Variants in PLA2R1 observed in about 807,000 individuals in gnomAD.
PLA2R1 encodes secretory phospholipase A2 receptor.
A neutral mutation model predicts 195.9 loss-of-function variants in PLA2R1; 158 were observed. The ratio of observed to expected loss-of-function variants is 0.81; its 90% CI spans 0.71 to 0.92. PLA2R1 has a LOEUF of 0.92. PLA2R1 is among the 40% of genes least tolerant of loss of function. The probability of loss-of-function intolerance (pLI) is 0.00; values close to 1 mark genes in which losing one functional copy is unlikely to be tolerated. For missense variants in PLA2R1, 1,626 were observed against 1,764.6 expected (o/e 0.92, Z 1.41); for synonymous variants, 586 against 598.2 (o/e 0.98, Z 0.30).
intron 6 of PLA2R1, among the ~76,000 whole-genome samples, chr2:160,023,597 G>A (rs1693293301): frequency 1.3e-5 from 2 of 152,210 alleles, no homozygotes; most frequent in Admixed American, 1.3e-4. Context: ...AGAACTGTAA[G>A]TGTAATCAGC....
intron 9 of PLA2R1, among the ~76,000 whole-genome samples, chr2:160,015,618 G>A (rs2715944): frequency 0.73 from 110,267 of 152,022 alleles, 40,437 homozygotes; most frequent in East Asian, 0.87. Flanking sequence ...CCCCACCCTC[G>A]CCCCTGCCCC....
At chr2:159,987,068 G>T in intron 12 of PLA2R1, 88 bp downstream of exon 12, 2 of 999,778 alleles carry the variant, frequency 2.0e-6, no homozygotes, top group Middle Eastern at 2.5e-4. Flanking sequence ...AAAAAAAAAG[G>T]GCCCCGGAAT....
At chr2:160,029,281 T>C (rs566631130) in intron 4 of PLA2R1, among the ~76,000 whole-genome samples, 31 of 152,332 alleles carry the variant, frequency 2.0e-4, no homozygotes, top group African/African-American at 7.2e-4. Context: ...CTCATGAACT[T>C]AAAGGTTTAA....
At chr2:159,958,127 G>A (rs977193394) in intron 20 of PLA2R1, among the ~76,000 whole-genome samples, 1 of 152,158 alleles carries the variant, frequency 6.6e-6, no homozygotes, top group African/African-American at 2.4e-5. Context: ...TGAAGGTGAG[G>A]CCTGGTGGGA....
chr2:159,990,803 G>A (rs1690720713), intron 11 of PLA2R1, among the ~76,000 whole-genome samples: 1 of 152,138 alleles, frequency 6.6e-6, no homozygotes, highest in African/African-American at 2.4e-5. Flanking sequence ...AGGGCACAGA[G>A]GCTTAGTAAC....
In PLA2R1 at chr2:160,006,203, G is replaced by A. The variant is rs3792174; in HGVS notation, c.1665-382C>T. ...CACACACCATGCCACAATATGCACG[G>A]GGTAAAGGTGGGCAGGAGGGAGGAG... On this transcript the variant is annotated intron_variant, in intron 10 of 29. Transcript: ENST00000283243. Among the ~76,000 whole-genome samples the A allele has an allele frequency of 0.013, 1,986 of 152,258 alleles. 94 individuals carry two copies. In the East Asian group the frequency reaches 0.17, roughly 13 times the overall value.
At chr2:159,926,588 G>C in the PLA2R1 span, among the ~76,000 whole-genome samples, 2 of 152,206 alleles carry the variant, frequency 1.3e-5, no homozygotes, top group Non-Finnish European at 2.9e-5. Context: ...TGGCTAAATA[G>C]TGAGCCATTC....
At chr2:159,994,534 G>A (rs1234271834) in intron 11 of PLA2R1, among the ~76,000 whole-genome samples, 1 of 152,026 alleles carries the variant, frequency 6.6e-6, no homozygotes, top group Admixed American at 6.6e-5. Flanking sequence ...TTACTTTAAG[G>A]GGTGATAATT....
At chr2:160,024,691 C>T (rs978374331) in intron 6 of PLA2R1, among the ~76,000 whole-genome samples, 6 of 152,310 alleles carry the variant, frequency 3.9e-5, no homozygotes, top group Admixed American at 3.3e-4. Context: ...TAGGGCTTGG[C>T]TGATGTGGTA....
intron 23 of PLA2R1, among the ~76,000 whole-genome samples, chr2:159,952,473 G>GT (rs2125932797): frequency 6.6e-6 from 1 of 152,276 alleles, no homozygotes; most frequent in East Asian, 1.9e-4. Flanking sequence ...CAAAAACAAG[G>GT]TAAGAGTTTT....
Position 160,016,720 on chromosome 2 carries a change from GAA to G in PLA2R1, c.1453-10_1453-9del. 1 of 1,386,790 alleles carries G rather than the reference GAA, an allele frequency of 7.2e-7. No individual in the cohort carries two copies. The highest frequency in any genetic ancestry group is 1.0e-6 in the Non-Finnish European group (1 of 973,546). 85.9% of individuals were successfully genotyped at this position (1,386,790 alleles called of 1,614,324 possible). On this transcript the variant is annotated splice_polypyrimidine_tract_variant and intron_variant, in intron 8 of 29. Coordinates refer to ENST00000283243, the MANE Select transcript of PLA2R1 (RefSeq NM_007366.5). ...GACTTTCCAGTGTCCCTCCTACGGA[GAA>G]AAATGTTACAAGAGAATGAATACAC...
chr2:160,061,549 G>C (rs1328563161), intron 1 of PLA2R1, among the ~76,000 whole-genome samples: 2 of 152,090 alleles, frequency 1.3e-5, no homozygotes, highest in African/African-American at 4.8e-5. Context: ...CGAGGTGGGC[G>C]GATCACTTGG....
intron 28 of PLA2R1, among the ~76,000 whole-genome samples, chr2:159,942,417 C>G (rs1687136364): frequency 6.6e-6 from 1 of 152,146 alleles, no homozygotes; most frequent in African/African-American, 2.4e-5. Context: ...AGTTTGCTGA[C>G]CTTTGATTTA....
intron 14 of PLA2R1, among the ~76,000 whole-genome samples, chr2:159,978,196 T>G (rs184973655): frequency 1.7e-3 from 259 of 152,272 alleles, no homozygotes; most frequent in Non-Finnish European, 2.5e-3. Context: ...TAATCAGGAA[T>G]CTATCAGGTC....
At position 159,986,589 on chromosome 2, in the gene PLA2R1, C is replaced by CT. The variant is rs113333927; in HGVS notation, c.2037+566dup. 3.0e-3 allele frequency among the ~76,000 whole-genome samples: 428 copies of CT among 142,308 alleles called. 1 individual carries two copies. Among genetic ancestry groups the CT allele is most frequent in the South Asian group, 6.5e-3 (29 of 4,434 alleles). The allele number at this position is 142,308 out of a possible 152,430, so 93.4% of individuals were successfully genotyped here. A position where few individuals can be genotyped will look rare whatever the true frequency, so the allele number is the denominator to read the frequency against. On this transcript the variant is annotated intron_variant, in intron 12 of 29. Transcript: ENST00000283243. ...TAGCGCATGCTATTTCTTTTCTTTCCTTTTTTTTTTTTTTTGATATAGAGA... is the reference window on the plus strand; with the variant it reads ...TAGCGCATGCTATTTCTTTTCTTTCCTTTTTTTTTTTTTTTTGATATAGAGA...
At chr2:159,973,395 A>G (rs1019138416) in intron 17 of PLA2R1, among the ~76,000 whole-genome samples, 6 of 145,236 alleles carry the variant, frequency 4.1e-5, no homozygotes, top group Admixed American at 3.7e-4. Flanking sequence ...TCCCCCTAAA[A>G]TTTACATTGT....
Position 159,987,166 on chromosome 2 carries a change from C to A in PLA2R1, c.2027G>T (p.Ser676Ile). ...TAACCTTGGTATCACCTTGAAGCAA[C>A]TGGCCAGACCAGGCTCTGACTCCCA... ...LDWESEPGLA[S>I]CFKVFHSEKV... Residue 676 changes from serine to isoleucine, a missense_variant, in exon 12 of 30, where the codon AGT (serine) becomes ATT (isoleucine). Ser to Ile is a moderately radical substitution (Grantham distance 142). Coordinates refer to ENST00000283243, the MANE Select transcript of PLA2R1 (RefSeq NM_007366.5). 1.2e-6 allele frequency: 2 copies of A among 1,612,704 alleles called. No homozygotes were observed. The highest frequency in any genetic ancestry group is 1.7e-6 in the Non-Finnish European group (2 of 1,178,700).
intron 1 of PLA2R1, among the ~76,000 whole-genome samples, chr2:160,047,127 G>A (rs1412283256): frequency 2.0e-5 from 3 of 151,988 alleles, no homozygotes; most frequent in Admixed American, 6.5e-5. Flanking sequence ...GTGTGTAGAC[G>A]ACCTGGCTAG....
intron 1 of PLA2R1, among the ~76,000 whole-genome samples, chr2:160,059,078 C>G (rs955569934): frequency 3.3e-5 from 5 of 152,188 alleles, no homozygotes; most frequent in Admixed American, 2.0e-4. Context: ...CAACCTAGAT[C>G]TCTCACATGC....
Sources: allele counts gnomAD v4.1 joint callset (sites outside exome capture counted in the v4.1 genomes callset), GRCh38; gene constraint gnomAD v4.1.1; transcripts MANE v1.5; gene names NCBI Gene and HGNC (gene_info 2026-07-23, HGNC 2026-07-21).